CIMAP2: variants seen among roughly 807,000 people sequenced by gnomAD.
CIMAP2 encodes the protein ciliary microtubule associated protein 2, also known as ciliary microtubule-associated protein 2.
At chr1:54,835,994 CT>C in the CIMAP2 span, among the ~76,000 whole-genome samples, 3 of 152,030 alleles carry the variant, frequency 2.0e-5, no homozygotes, top group East Asian at 5.8e-4. Flanking sequence ...GATCACTCTC[CT>C]TTTACCCTTT....
At chr1:54,837,050 C>A in the CIMAP2 span, among the ~76,000 whole-genome samples, 1 of 152,020 alleles carries the variant, frequency 6.6e-6, no homozygotes, top group Non-Finnish European at 1.5e-5. Flanking sequence ...ATCTGAATTA[C>A]CAGTTGCTCA....
the CIMAP2 span, among the ~76,000 whole-genome samples, chr1:54,829,299 CAGA>C: frequency 2.0e-5 from 3 of 152,184 alleles, no homozygotes; most frequent in Non-Finnish European, 4.4e-5. Context: ...TCTGTAAAAA[CAGA>C]AGAATTTATA....
the CIMAP2 span, chr1:54,815,181 C>A: frequency 8.0e-7 from 1 of 1,253,452 alleles, no homozygotes; most frequent in Non-Finnish European, 1.1e-6. Context: ...ACCTGAGGTC[C>A]ACTCCCACTG....
the CIMAP2 span, among the ~76,000 whole-genome samples, chr1:54,820,106 C>T: frequency 0.26 from 10,286 of 39,624 alleles, 549 homozygotes; most frequent in Non-Finnish European, 0.41. Context: ...CTTTCTTTCT[C>T]TCTCTCTCTT....
At chr1:54,842,160 C>T in the CIMAP2 span, 1 of 523,290 alleles carries the variant, frequency 1.9e-6, no homozygotes, top group Non-Finnish European at 3.4e-6. Context: ...AGCAGATGGA[C>T]TGAAGGGATG....
At chr1:54,824,059 T>G in the CIMAP2 span, among the ~76,000 whole-genome samples, 182 of 152,148 alleles carry the variant, frequency 1.2e-3, no homozygotes, top group African/African-American at 4.1e-3. Flanking sequence ...TCTCGCTCTG[T>G]CACTCAGGCT....
chr1:54,820,120 T>C, the CIMAP2 span, among the ~76,000 whole-genome samples: 18 of 27,678 alleles, frequency 6.5e-4, no homozygotes, highest in African/African-American at 1.5e-3. Context: ...CTCTCTTTCT[T>C]TCTTTCTTTC....
At chr1:54,833,116 G>C in the CIMAP2 span, among the ~76,000 whole-genome samples, 1 of 152,198 alleles carries the variant, frequency 6.6e-6, no homozygotes, top group Non-Finnish European at 1.5e-5. Flanking sequence ...CTCTAGAGTG[G>C]TGGTCAGGCA....
At chr1:54,822,679 T>G in the CIMAP2 span, among the ~76,000 whole-genome samples, 1 of 152,334 alleles carries the variant, frequency 6.6e-6, no homozygotes, top group Non-Finnish European at 1.5e-5. Context: ...AATTTTTTTG[T>G]ATTTTTAGTA....
At chr1:54,822,669 A>G in the CIMAP2 span, among the ~76,000 whole-genome samples, 7 of 151,984 alleles carry the variant, frequency 4.6e-5, no homozygotes, top group Non-Finnish European at 8.8e-5. Flanking sequence ...ATGCCCAAGT[A>G]ATTTTTTTGT....
chr1:54,825,739 C>T, the CIMAP2 span, among the ~76,000 whole-genome samples: 10 of 152,020 alleles, frequency 6.6e-5, no homozygotes, highest in Non-Finnish European at 1.3e-4. Context: ...GGTCCTTGGG[C>T]CCCTGGGTGA....
the CIMAP2 span, among the ~76,000 whole-genome samples, chr1:54,821,700 A>G: frequency 6.6e-5 from 10 of 152,064 alleles, no homozygotes; most frequent in African/African-American, 2.4e-4. Context: ...TCAGCTAGTT[A>G]CTGGTGTATA....
chr1:54,812,261 G>A, the CIMAP2 span: 11 of 1,585,766 alleles, frequency 6.9e-6, no homozygotes, highest in Non-Finnish European at 9.5e-6. Context: ...GTCAGCACCA[G>A]GAACACCAGC....
the CIMAP2 span, chr1:54,807,823 T>G: frequency 6.6e-7 from 1 of 1,523,056 alleles, no homozygotes; most frequent in Non-Finnish European, 8.8e-7. Flanking sequence ...CATCGTGCCT[T>G]GGGCTTCTTC....
chr1:54,809,192 C>A, the CIMAP2 span, among the ~76,000 whole-genome samples: 1 of 152,190 alleles, frequency 6.6e-6, no homozygotes, highest in African/African-American at 2.4e-5. Context: ...AGGCTCAGAG[C>A]AGATAAGCAA....
At chr1:54,815,606 C>A in the CIMAP2 span, among the ~76,000 whole-genome samples, 1 of 152,140 alleles carries the variant, frequency 6.6e-6, no homozygotes. Context: ...TGCGATGTAT[C>A]TTTAGTTAGT....
chr1:54,808,990 G>GCCT, the CIMAP2 span, among the ~76,000 whole-genome samples: 3 of 147,036 alleles, frequency 2.0e-5, no homozygotes, highest in African/African-American at 2.5e-5. Context: ...TCTTGTGTGT[G>GCCT]ACTGGACAGC....
the CIMAP2 span, chr1:54,811,765 G>GCCGGGGGGGGGGC: frequency 1.2e-5 from 15 of 1,301,314 alleles, no homozygotes; most frequent in African/African-American, 1.5e-5. Flanking sequence ...GGTTCTGACA[G>GCCGGGGGGGGGGC]CCTCCATGCC....
chr1:54,814,773 T>C, the CIMAP2 span: 1 of 1,208,264 alleles, frequency 8.3e-7, no homozygotes, highest in Non-Finnish European at 1.2e-6. Context: ...GGGAGATAGC[T>C]GGGTACCTCC....
Sources: gnomAD v4.1 joint callset for allele counts (sites outside exome capture counted in the v4.1 genomes callset) on GRCh38, gnomAD v4.1.1 for gene constraint, MANE v1.5 for transcripts, NCBI Gene and HGNC (gene_info 2026-07-23, HGNC 2026-07-21) for gene names.